Variants in JAML observed in about 807,000 individuals in gnomAD.
JAML encodes the protein junction adhesion molecule like.
In JAML, 25 loss-of-function variants were observed where a neutral mutation model predicts 39.3. The observed-to-expected ratio is 0.64, with a 90% CI of 0.46 to 0.89. JAML has a LOEUF of 0.89. Among genes scored for constraint, JAML ranks in the 40% least tolerant of loss-of-function variants. The probability of loss-of-function intolerance (pLI) is 0.00; values close to 1 mark genes in which losing one functional copy is unlikely to be tolerated. For synonymous variants in JAML, 162 were observed against 179.2 expected, an observed-to-expected ratio of 0.90 and a Z score of 0.77; for missense variants, 440 against 486.9, an observed-to-expected ratio of 0.90 and a Z score of 0.91.
At chr11:118,197,914 A>G in intron 8 of JAML, 84 bp downstream of exon 8, 1 of 1,270,986 alleles carries the variant, frequency 7.9e-7, no homozygotes, top group South Asian at 1.2e-5. Context: ...TGCGACATAC[A>G]ATGGGTAAGA....
chr11:118,198,525 G>A (rs7112584), intron 7 of JAML, among the ~76,000 whole-genome samples: 34,994 of 151,856 alleles, frequency 0.23, 4,622 homozygotes, highest in African/African-American at 0.36. Flanking sequence ...TTTCCGGGGG[G>A]CGGAGCAGAA....
At chr11:118,218,841 T>C (rs139991753) in intron 1 of JAML, among the ~76,000 whole-genome samples, 1 of 152,328 alleles carries the variant, frequency 6.6e-6, no homozygotes, top group Non-Finnish European at 1.5e-5. Context: ...CAGAAGCACC[T>C]TAAGCACCTT....
intron 7 of JAML, among the ~76,000 whole-genome samples, chr11:118,198,720 A>G (rs1021120833): frequency 3.3e-5 from 5 of 151,824 alleles, no homozygotes; most frequent in African/African-American, 7.3e-5. Context: ...AAAAGAAACC[A>G]TATGTTTTGG....
intron 1 of JAML, among the ~76,000 whole-genome samples, chr11:118,223,107 A>AT (rs1949226749): frequency 6.6e-6 from 1 of 151,662 alleles, no homozygotes; most frequent in Non-Finnish European, 1.5e-5. Context: ...AAAAAAAAAA[A>AT]AAAAAAAAGA....
At chr11:118,211,573 T>C (rs1949060001) in intron 3 of JAML, among the ~76,000 whole-genome samples, 1 of 152,168 alleles carries the variant, frequency 6.6e-6, no homozygotes, top group African/African-American at 2.4e-5. Flanking sequence ...ACTTACACTA[T>C]GGGTTTATCC....
intron 1 of JAML, among the ~76,000 whole-genome samples, chr11:118,219,796 C>A (rs1012910147): frequency 1.1e-4 from 16 of 152,246 alleles, no homozygotes; most frequent in African/African-American, 3.6e-4. Flanking sequence ...ACTCCACTAT[C>A]TCAGTGAACA....
At chr11:118,204,078 G>A (rs1402238561) in intron 5 of JAML, 1 of 199,410 alleles carries the variant, frequency 5.0e-6, no homozygotes, top group Non-Finnish European at 1.1e-5. Flanking sequence ...TTTGGTACAT[G>A]GCAATGCTTT....
Position 118,214,988 on chromosome 11 carries a change from C to T in JAML, c.-20-102G>A. 2.2e-5 allele frequency: 22 copies of T among 978,304 alleles called. No individual in the cohort carries two copies. In the South Asian group the frequency reaches 2.6e-4, roughly 12 times the overall value. The allele number at this position is 978,304 out of a possible 1,614,324, so 60.6% of individuals were successfully genotyped here. A position where few individuals can be genotyped will look rare whatever the true frequency, so the allele number is the denominator to read the frequency against. ...TATACGGAGCAGCCTCTGTTTGAGA[C>T]ACTGGTATGCAGCATTGAACAAGAA... On this transcript the variant is annotated intron_variant, in intron 1 of 9. Coordinates refer to ENST00000356289, the MANE Select transcript of JAML (RefSeq NM_001098526.2).
At chr11:118,214,950 A>C in intron 1 of JAML, 64 bp from the exon 2 acceptor site, 1 of 1,460,798 alleles carries the variant, frequency 6.8e-7, no homozygotes, top group Non-Finnish European at 9.6e-7. Context: ...TTAAAAAACC[A>C]ATAGTGAAGG....
intron 4 of JAML, chr11:118,209,265 A>G (rs906169934): frequency 1.2e-5 from 2 of 173,132 alleles, no homozygotes; most frequent in Non-Finnish European, 2.5e-5. Context: ...TCCCTTTCAA[A>G]CTGCTTGCAA....
At chr11:118,220,848 GC>G (rs1949203019) in intron 1 of JAML, among the ~76,000 whole-genome samples, 2 of 152,348 alleles carry the variant, frequency 1.3e-5, no homozygotes, top group South Asian at 4.1e-4. Context: ...CACAAGCTCA[GC>G]TGCTGAAAAT....
rs58096014 is a variant in JAML, at chr11:118,213,909, C to T, written c.43+915G>A. On this transcript the variant is annotated intron_variant, in intron 2 of 9. Transcript: ENST00000356289. The stretch of plus-strand genomic sequence containing the variant: ...ACCTTCTGAGATCATTATAACCCTG[C>T]TTCTTTGAGAAAAATTATCTAATGA... Among the ~76,000 whole-genome samples the T allele has an allele frequency of 3.3e-5, 5 of 152,276 alleles. No homozygotes were observed. The East Asian group carries it at 9.6e-4, about 29-fold the overall frequency.
Position 118,203,617 on chromosome 11 carries a change from A to T in JAML, c.583T>A (p.Tyr195Asn). ...TGGAAGTGGCCCCAGCTCTGGGAGT[A>T]CTCCACAGACATCCTGAGTTTGTGG... is the stretch of plus-strand genomic sequence containing the variant. Reference protein sequence around the residue: ...YYHKLRMSVEYSQSWGHFQNR... With the variant: ...YYHKLRMSVENSQSWGHFQNR... Residue 195 changes from tyrosine to asparagine, a missense_variant, in exon 6 of 10, where the codon TAC becomes AAC. By Grantham distance (143) the Tyr-to-Asn change is moderately radical (BLOSUM62 -2). Coordinates refer to ENST00000356289, the MANE Select transcript of JAML (RefSeq NM_001098526.2). The T allele has an allele frequency of 6.2e-7, 1 of 1,614,066 alleles. No homozygotes were observed. The highest frequency in any genetic ancestry group is 8.5e-7 in the Non-Finnish European group (1 of 1,179,986).
chr11:118,212,335 C>T, intron 3 of JAML, 72 bp downstream of exon 3: 4 of 1,559,370 alleles, frequency 2.6e-6, no homozygotes, highest in East Asian at 2.3e-5. Flanking sequence ...TGATGCCTGA[C>T]TCTTACACCA....
intron 6 of JAML, chr11:118,201,231 G>C (rs1591463211): frequency 6.6e-6 from 1 of 152,376 alleles, no homozygotes; most frequent in Non-Finnish European, 1.5e-5. Flanking sequence ...ACAGAAGTCT[G>C]TATGGGGAAC....
chr11:118,215,909 C>T (rs1363863333), intron 1 of JAML, among the ~76,000 whole-genome samples: 1 of 152,150 alleles, frequency 6.6e-6, no homozygotes, highest in Non-Finnish European at 1.5e-5. Flanking sequence ...CCACCTGCTA[C>T]TGCTCCTGGC....
At chr11:118,206,178 A>C (rs1240619113) in intron 4 of JAML, among the ~76,000 whole-genome samples, 187 bp from the exon 5 acceptor site, 1 of 152,146 alleles carries the variant, frequency 6.6e-6, no homozygotes, top group Non-Finnish European at 1.5e-5. Context: ...CACGTGGGCA[A>C]AGTACTCAGA....
chr11:118,203,657 A>C lies in JAML; in HGVS notation c.543T>G (p.Ile181Met), dbSNP rs1359681086. Residue 181 changes from isoleucine (I) to methionine (M), a missense_variant, in exon 6 of 10, where the codon ATT (isoleucine) becomes ATG (methionine). Coordinates refer to ENST00000356289, the MANE Select transcript of JAML (RefSeq NM_001098526.2). ...IFSGRRAKEE[I>M]VFRYYHKLRM... is the part of the protein sequence containing the mutation. ...TGAGTTTGTGGTAGTAACGAAATAC[A>C]ATCTCCTCCTAGAAGTGAAAGACAA... is the stretch of plus-strand genomic sequence containing the variant. 6.2e-7 allele frequency: 1 copy of C among 1,610,634 alleles called. No homozygotes were observed. Among genetic ancestry groups the C allele is most frequent in the South Asian group, 1.1e-5 (1 of 90,992 alleles).
chr11:118,196,255 G>C, intron 9 of JAML, among the ~76,000 whole-genome samples: 1 of 151,408 alleles, frequency 6.6e-6, no homozygotes, highest in Non-Finnish European at 1.5e-5. Flanking sequence ...AGCCTCCCAA[G>C]TAGCTGGGAT....
Sources: gnomAD v4.1 joint callset for allele counts (sites outside exome capture counted in the v4.1 genomes callset) on GRCh38, gnomAD v4.1.1 for gene constraint, MANE v1.5 for transcripts, NCBI Gene and HGNC (gene_info 2026-07-23, HGNC 2026-07-21) for gene names.